Variants in CDYL observed in about 807,000 individuals in gnomAD.
CDYL encodes the protein chromodomain Y like.
In CDYL, 8 loss-of-function variants were observed where a neutral mutation model predicts 47.3. The observed-to-expected ratio is 0.17, with a 90% CI of 0.10 to 0.31. The LOEUF is 0.31. CDYL is among the 10% of genes least tolerant of loss of function. The pLI, the probability that CDYL is intolerant of heterozygous loss-of-function variation, is 1.00. For missense variants in CDYL, 471 were observed against 701.4 expected (o/e 0.67, Z 3.71); for synonymous variants, 266 against 265.0 (o/e 1.00, Z -0.04).
intron 2 of CDYL, among the ~76,000 whole-genome samples, chr6:4,910,202 G>A (rs181182245): frequency 6.6e-6 from 1 of 152,214 alleles, no homozygotes; most frequent in East Asian, 1.9e-4. Flanking sequence ...GCTAAGCTGC[G>A]GGAAGTTAGG....
chr6:4,710,379 G>GGGAAGGAAGGAAGGAAGGAA (rs371019380), intron 1 of CDYL, among the ~76,000 whole-genome samples: 2,723 of 101,208 alleles, frequency 0.027, 130 homozygotes, highest in East Asian at 0.13. Context: ...GAGGGAGGGA[G>GGGAAGGAAGGAAGGAAGGAA]GGAAGGAAGG....
At chr6:4,915,343 T>G (rs976388015) in intron 2 of CDYL, among the ~76,000 whole-genome samples, 13 of 152,218 alleles carry the variant, frequency 8.5e-5, no homozygotes, top group Non-Finnish European at 1.9e-4. Flanking sequence ...TAGGGTTGTT[T>G]TGGGTGTTTG....
intron 2 of CDYL, among the ~76,000 whole-genome samples, chr6:4,896,802 AAACG>A (rs1461060239): frequency 6.6e-6 from 1 of 152,206 alleles, no homozygotes; most frequent in African/African-American, 2.4e-5. Flanking sequence ...AGTCATTGGG[AAACG>A]AACCATCATT....
At position 4,891,872 on chromosome 6, in the gene CDYL, A is replaced by G. The variant is rs1213745803; in HGVS notation, c.184A>G (p.Lys62Glu). The G allele has an allele frequency of 6.8e-6, 11 of 1,614,162 alleles. No homozygotes were observed. Among genetic ancestry groups the G allele is most frequent in the Non-Finnish European group, 8.5e-6 (10 of 1,180,046 alleles). Residue 62 changes from lysine (K) to glutamate (E), a missense_variant, in exon 2 of 7, where the codon AAG becomes GAG. Lys to Glu is a moderately conservative substitution (Grantham distance 56). Coordinates refer to ENST00000397588, the MANE Select transcript of CDYL (RefSeq NM_004824.4). Reference protein sequence around the residue: ...IHDFNRRHTEKQKESTLTRTN... With the variant: ...IHDFNRRHTEEQKESTLTRTN... ...CGACTTCAACAGACGCCACACGGAG[A>G]AGCAGAAGGAGAGCACATTGACCAG...
At chr6:4,756,977 G>T (rs1338213003) in intron 3 of CDYL, among the ~76,000 whole-genome samples, 1 of 152,154 alleles carries the variant, frequency 6.6e-6, no homozygotes, top group Non-Finnish European at 1.5e-5. Context: ...CAAAACTATT[G>T]TGGTTATTTG....
At chr6:4,875,461 A>C (rs147881611) in intron 1 of CDYL, among the ~76,000 whole-genome samples, 2 of 152,164 alleles carry the variant, frequency 1.3e-5, no homozygotes, top group Non-Finnish European at 2.9e-5. Context: ...ATGTCGCCCA[A>C]TTTATAGGTA....
intron 1 of CDYL, among the ~76,000 whole-genome samples, chr6:4,708,455 T>C (rs4960031): frequency 0.98 from 149,527 of 152,330 alleles, 73,402 homozygotes; most frequent in East Asian, 1. Flanking sequence ...CCACCACACC[T>C]GGCCATATAT....
chr6:4,920,132 C>A (rs1036725917), intron 2 of CDYL, among the ~76,000 whole-genome samples: 7 of 152,166 alleles, frequency 4.6e-5, no homozygotes, highest in African/African-American at 1.7e-4. Context: ...GTTCCACTTA[C>A]AAGAGGTACC....
chr6:4,780,809 A>T (rs2127430264), intron 1 of CDYL, among the ~76,000 whole-genome samples: 1 of 152,368 alleles, frequency 6.6e-6, no homozygotes, highest in Non-Finnish European at 1.5e-5. Flanking sequence ...ATTTGAAAGT[A>T]TTCTATAAAC....
intron 4 of CDYL, 77 bp from the exon 5 acceptor site, chr6:4,943,469 T>C: frequency 1.9e-6 from 2 of 1,051,758 alleles, no homozygotes; most frequent in Non-Finnish European, 2.8e-6. Context: ...TCTTGGTAAA[T>C]TGAATTCCAT....
At chr6:4,767,384 C>T (rs945835819) in intron 3 of CDYL, among the ~76,000 whole-genome samples, 5 of 152,076 alleles carry the variant, frequency 3.3e-5, no homozygotes, top group African/African-American at 1.2e-4. Flanking sequence ...ACCAGCCTGC[C>T]CAACATGGTG....
chr6:4,870,838 A>G (rs1323008101), intron 1 of CDYL, among the ~76,000 whole-genome samples: 1 of 152,012 alleles, frequency 6.6e-6, no homozygotes, highest in African/African-American at 2.4e-5. Flanking sequence ...ATTTTGATAC[A>G]CGCTTTTTAT....
chr6:4,847,792 C>T (rs1215472636), intron 1 of CDYL, among the ~76,000 whole-genome samples: 2 of 152,180 alleles, frequency 1.3e-5, no homozygotes, highest in Admixed American at 6.5e-5. Context: ...AAAATAAAAA[C>T]TGTGTCTCCC....
chr6:4,794,821 TAATGCCAGTACATAGA>T (rs1209638654), intron 1 of CDYL, among the ~76,000 whole-genome samples: 3 of 152,192 alleles, frequency 2.0e-5, no homozygotes, highest in Non-Finnish European at 4.4e-5. Context: ...AGCAGTTGGT[TAATGCCAGTACATAGA>T]AAGGCTGTTT....
chr6:4,859,099 T>C (rs1206695102), intron 1 of CDYL, among the ~76,000 whole-genome samples: 1 of 152,212 alleles, frequency 6.6e-6, no homozygotes, highest in Non-Finnish European at 1.5e-5. Context: ...TAAAAGCCTT[T>C]TTCATGGGAA....
intron 2 of CDYL, among the ~76,000 whole-genome samples, chr6:4,720,156 A>AAGTTTT (rs1757341746): frequency 6.6e-6 from 1 of 152,232 alleles, no homozygotes; most frequent in Non-Finnish European, 1.5e-5. Flanking sequence ...ATGTCCTCAC[A>AAGTTTT]TTTCTCTGAA....
At chr6:4,904,967 C>T (rs1178802816) in intron 2 of CDYL, among the ~76,000 whole-genome samples, 1 of 152,140 alleles carries the variant, frequency 6.6e-6, no homozygotes, top group Admixed American at 6.5e-5. Context: ...TCCGCAGTGC[C>T]TGTGTGATCG....
chr6:4,849,573 T>C (rs1411192421), intron 1 of CDYL, among the ~76,000 whole-genome samples: 2 of 152,232 alleles, frequency 1.3e-5, no homozygotes, highest in South Asian at 2.1e-4. Flanking sequence ...GTGCTCTTAC[T>C]TTCTTTCTCC....
intron 3 of CDYL, among the ~76,000 whole-genome samples, chr6:4,763,302 C>CA (rs1189412293): frequency 1.3e-5 from 2 of 151,694 alleles, no homozygotes; most frequent in African/African-American, 4.8e-5. Context: ...CAAAACAAAA[C>CA]AAAAAAACCA....
Sources: allele counts gnomAD v4.1 joint callset (sites outside exome capture counted in the v4.1 genomes callset), GRCh38; gene constraint gnomAD v4.1.1; transcripts MANE v1.5; gene names NCBI Gene and HGNC (gene_info 2026-07-23, HGNC 2026-07-21).